MS4A4E: variants seen among roughly 807,000 people sequenced by gnomAD.
MS4A4E encodes the protein membrane spanning 4-domains A4E, also known as putative membrane-spanning 4-domains subfamily A member 4E.
A neutral mutation model predicts 13.3 loss-of-function variants in MS4A4E; 23 were observed. That is an observed-to-expected ratio of 1.73 (90% CI 1.25 to 2.45). The LOEUF (loss-of-function observed/expected upper bound fraction) is 2.45, where lower values mean the gene tolerates loss of function less well. Ranked by LOEUF, MS4A4E falls within the 30% of genes most tolerant of loss-of-function variation. MS4A4E has a pLI of 0.00. For missense variants in MS4A4E, 144 were observed against 131.2 expected, an observed-to-expected ratio of 1.10 and a Z score of -0.48; for synonymous variants, 36 against 45.6, an observed-to-expected ratio of 0.79 and a Z score of 0.85.
chr11:60,213,422 C>G, intron 4 of MS4A4E: 2 of 875,504 alleles, frequency 2.3e-6, no homozygotes, highest in Non-Finnish European at 3.5e-6. Context: ...CTGTGTCCTT[C>G]CCTGCCATTC....
At chr11:60,216,282 A>C (rs1444733182) in intron 3 of MS4A4E, among the ~76,000 whole-genome samples, 2 of 152,206 alleles carry the variant, frequency 1.3e-5, no homozygotes, top group Non-Finnish European at 2.9e-5. Flanking sequence ...CACGTGTGGA[A>C]GGCTAAAACC....
At chr11:60,206,110 T>A (rs590351) in intron 6 of MS4A4E, among the ~76,000 whole-genome samples, 1 of 152,006 alleles carries the variant, frequency 6.6e-6, no homozygotes, top group Non-Finnish European at 1.5e-5. Flanking sequence ...AGGAAAAGGA[T>A]GGGGGAGAAG....
At chr11:60,222,161 C>T (rs1013112289) in intron 3 of MS4A4E, among the ~76,000 whole-genome samples, 5 of 152,176 alleles carry the variant, frequency 3.3e-5, no homozygotes, top group African/African-American at 7.2e-5. Flanking sequence ...TCTTCCATCA[C>T]GGAAAGGGCA....
chr11:60,232,511 T>C (rs1245911394), intron 1 of MS4A4E, among the ~76,000 whole-genome samples: 1 of 152,128 alleles, frequency 6.6e-6, no homozygotes, highest in Non-Finnish European at 1.5e-5. Context: ...GAGGGCCTTC[T>C]TCCTACAGGG....
chr11:60,204,815 G>A (rs1033810153), intron 8 of MS4A4E, among the ~76,000 whole-genome samples, 75 bp downstream of exon 8: 4 of 152,146 alleles, frequency 2.6e-5, no homozygotes, highest in Admixed American at 1.3e-4. Context: ...CTATGCAATA[G>A]TATTAAGGTT....
intron 3 of MS4A4E, among the ~76,000 whole-genome samples, chr11:60,224,476 G>A (rs901184085): frequency 2.0e-5 from 3 of 152,036 alleles, no homozygotes; most frequent in Non-Finnish European, 1.5e-5. Flanking sequence ...AGCTACAGAG[G>A]TAAATCTTAA....
intron 1 of MS4A4E, among the ~76,000 whole-genome samples, chr11:60,232,945 C>T (rs1327787224): frequency 6.6e-6 from 1 of 152,156 alleles, no homozygotes; most frequent in African/African-American, 2.4e-5. Context: ...CCTCCAAACT[C>T]AAGTTGAAAC....
chr11:60,203,042 G>A (rs2084004115), intron 8 of MS4A4E, among the ~76,000 whole-genome samples: 1 of 152,214 alleles, frequency 6.6e-6, no homozygotes, highest in South Asian at 2.1e-4. Context: ...TGTCCCATAT[G>A]GACATTACTC....
chr11:60,214,702 T>A (rs572673686), intron 3 of MS4A4E, 88 bp from the exon 4 acceptor site: 1 of 803,090 alleles, frequency 1.2e-6, no homozygotes, highest in African/African-American at 1.8e-5. Context: ...TAAACTTTAT[T>A]CCAAATTAGA....
chr11:60,238,279 G>A (rs991842040), intron 1 of MS4A4E, among the ~76,000 whole-genome samples: 2 of 151,874 alleles, frequency 1.3e-5, no homozygotes, highest in African/African-American at 4.8e-5. Flanking sequence ...ATTCACCAGT[G>A]AAATCACAGG....
chr11:60,239,586 T>G (rs1309618014), intron 1 of MS4A4E, among the ~76,000 whole-genome samples: 1 of 152,188 alleles, frequency 6.6e-6, no homozygotes, highest in Non-Finnish European at 1.5e-5. Context: ...TTTTGCAGTT[T>G]GTCTCAAAGA....
intron 3 of MS4A4E, among the ~76,000 whole-genome samples, chr11:60,222,353 T>C (rs1426148832): frequency 6.6e-6 from 1 of 152,154 alleles, no homozygotes; most frequent in Non-Finnish European, 1.5e-5. Flanking sequence ...AATGCGGCAG[T>C]GGGCTCATTC....
At chr11:60,205,898 T>C (rs2084032933) in intron 6 of MS4A4E, among the ~76,000 whole-genome samples, 78 bp from the exon 7 acceptor site, 1 of 152,164 alleles carries the variant, frequency 6.6e-6, no homozygotes, top group African/African-American at 2.4e-5. Flanking sequence ...TGACACAGGA[T>C]ACACATTTGA....
chr11:60,216,153 C>T (rs1279783775), intron 3 of MS4A4E, among the ~76,000 whole-genome samples: 1 of 152,014 alleles, frequency 6.6e-6, no homozygotes, highest in Non-Finnish European at 1.5e-5. Context: ...TGGAAGGTAG[C>T]AGCAAAAAAG....
chr11:60,224,984 G>A, intron 3 of MS4A4E: 2 of 1,529,444 alleles, frequency 1.3e-6, no homozygotes, highest in Non-Finnish European at 8.8e-7. Flanking sequence ...CCCCCAAATT[G>A]TGTACGCAAC....
intron 2 of MS4A4E, 37 bp downstream of exon 2, chr11:60,229,874 AC>A: frequency 6.4e-7 from 1 of 1,560,480 alleles, no homozygotes; most frequent in African/African-American, 1.4e-5. Flanking sequence ...TGAGTTTACA[AC>A]ACTATTGGTC....
chr11:60,203,447 A>G (rs1420087241), intron 8 of MS4A4E, among the ~76,000 whole-genome samples: 1 of 152,204 alleles, frequency 6.6e-6, no homozygotes, highest in Non-Finnish European at 1.5e-5. Flanking sequence ...TTAATCATGT[A>G]TGTAAAGAAT....
chr11:60,240,737 G>A (rs1193807661), intron 1 of MS4A4E, among the ~76,000 whole-genome samples: 1 of 151,926 alleles, frequency 6.6e-6, no homozygotes, highest in Non-Finnish European at 1.5e-5. Flanking sequence ...CCACTCCCCC[G>A]GCCATGACCA....
chr11:60,215,875 T>C (rs565172605), intron 3 of MS4A4E, among the ~76,000 whole-genome samples: 102 of 152,270 alleles, frequency 6.7e-4, no homozygotes, highest in African/African-American at 2.1e-3. Context: ...AGAAATTAGA[T>C]AAACATATTA....
Sources: gnomAD v4.1 joint callset for allele counts (sites outside exome capture counted in the v4.1 genomes callset) on GRCh38, gnomAD v4.1.1 for gene constraint, MANE v1.5 for transcripts, NCBI Gene and HGNC (gene_info 2026-07-23, HGNC 2026-07-21) for gene names.